Variants in SEC14L2 observed in about 807,000 individuals in gnomAD.
SEC14L2 encodes SEC14 like lipid binding 2.
A neutral mutation model predicts 56.9 loss-of-function variants in SEC14L2; 50 were observed. The observed-to-expected ratio is 0.88, with a 90% CI of 0.70 to 1.11. The LOEUF is 1.11. SEC14L2 is among the 50% of genes most tolerant of loss of function. SEC14L2 has a pLI of 0.00. For synonymous variants in SEC14L2, 179 were observed against 188.5 expected, an observed-to-expected ratio of 0.95 and a Z score of 0.41; for missense variants, 414 against 500.7, an observed-to-expected ratio of 0.83 and a Z score of 1.65.
intron 2 of SEC14L2, among the ~76,000 whole-genome samples, chr22:30,405,283 A>C (rs2146017360): frequency 6.6e-6 from 1 of 152,214 alleles, no homozygotes; most frequent in African/African-American, 2.4e-5. Flanking sequence ...AAAGCACAGA[A>C]TTTTCCAGTC....
At chr22:30,414,949 C>T (rs1239455029) in intron 8 of SEC14L2, among the ~76,000 whole-genome samples, 1 of 152,148 alleles carries the variant, frequency 6.6e-6, no homozygotes, top group Middle Eastern at 3.4e-3. Context: ...ATAGTTCTGC[C>T]CTCACAGTGT....
At chr22:30,409,602 G>C in intron 7 of SEC14L2, 116 bp downstream of exon 7, 1 of 975,426 alleles carries the variant, frequency 1.0e-6, no homozygotes, top group East Asian at 2.4e-5. Context: ...GACATGTTCA[G>C]AAGACTGCTG....
intron 8 of SEC14L2, among the ~76,000 whole-genome samples, chr22:30,412,899 T>A (rs1466227986): frequency 1.3e-5 from 2 of 148,818 alleles, no homozygotes; most frequent in Admixed American, 6.7e-5. Flanking sequence ...CAGAACTCAA[T>A]TGACTAGATG....
chr22:30,416,694 T>C (rs752777391), intron 11 of SEC14L2: 75 of 1,407,672 alleles, frequency 5.3e-5, no homozygotes, highest in Non-Finnish European at 6.6e-5. Flanking sequence ...GGTCCAGGTC[T>C]AACTGGGTCT....
chr22:30,409,918 C>T (rs1490003489), intron 7 of SEC14L2, among the ~76,000 whole-genome samples: 2 of 145,872 alleles, frequency 1.4e-5, no homozygotes, highest in African/African-American at 5.1e-5. Flanking sequence ...AAAAATAGGG[C>T]TAGGTGCAGT....
chr22:30,410,803 ACC>A (rs1934228168), intron 8 of SEC14L2, 124 bp downstream of exon 8: 2 of 826,170 alleles, frequency 2.4e-6, no homozygotes, highest in Non-Finnish European at 4.0e-6. Flanking sequence ...GAGCAGTGGG[ACC>A]CAGGAGCAAG....
chr22:30,416,642 A>G, intron 11 of SEC14L2: 2 of 1,446,924 alleles, frequency 1.4e-6, no homozygotes, highest in South Asian at 2.9e-5. Flanking sequence ...TGGGTGAGTC[A>G]CAGTCCTAGG....
At chr22:30,410,362 C>A (rs1402217567) in intron 7 of SEC14L2, among the ~76,000 whole-genome samples, 1 of 152,240 alleles carries the variant, frequency 6.6e-6, no homozygotes, top group African/African-American at 2.4e-5. Context: ...GCCACCCAGC[C>A]TGATGAGATG....
At chr22:30,406,278 T>TC (rs1409148831) in intron 2 of SEC14L2, 64 bp from the exon 3 acceptor site, 60 of 1,534,562 alleles carry the variant, frequency 3.9e-5, no homozygotes, top group Middle Eastern at 3.4e-4. Context: ...TATGGGAATC[T>TC]CCCCATCCTT....
chr22:30,420,233 G>A (rs1345567003), intron 11 of SEC14L2, among the ~76,000 whole-genome samples: 1 of 152,158 alleles, frequency 6.6e-6, no homozygotes, highest in East Asian at 1.9e-4. Context: ...GATTACAGGC[G>A]TGAGCCACCA....
chr22:30,411,761 A>AAAAAAAAAAAAAAG lies in SEC14L2; in HGVS notation c.664+1082_664+1083insAAAAAAAAAAAAAG, dbSNP rs1555997934. Reference sequence around the variant, plus strand: ...CCGTCTCAAAAAAAAAAAAAAAAAAAGGGGTCCCTTGAAGGTCTTTTGGCC... The same window carrying AAAAAAAAAAAAAAG: ...CCGTCTCAAAAAAAAAAAAAAAAAAAAAAAAAAAAAAAAGGGGGTCCCTTGAAGGTCTTTTGGCC... On this transcript the variant is annotated intron_variant, in intron 8 of 11. Coordinates refer to ENST00000615189, the MANE Select transcript of SEC14L2 (RefSeq NM_012429.5). Among the ~76,000 whole-genome samples the AAAAAAAAAAAAAAG allele has an allele frequency of 8.1e-4, 116 of 142,750 alleles. 3 individuals are homozygous for AAAAAAAAAAAAAAG. The highest frequency in any genetic ancestry group is 2.9e-3 in the African/African-American group (109 of 37,550). The allele number at this position is 142,750 out of a possible 152,430, so 93.6% of individuals were successfully genotyped here.
intron 1 of SEC14L2, chr22:30,398,896 TC>T: frequency 2.3e-6 from 1 of 443,912 alleles, no homozygotes; most frequent in Non-Finnish European, 4.8e-6. Context: ...TTTAATTCCT[TC>T]ATCTGTAGAA....
intron 11 of SEC14L2, chr22:30,420,672 G>A (rs920217196): frequency 6.6e-6 from 1 of 152,134 alleles, no homozygotes; most frequent in African/African-American, 2.4e-5. Flanking sequence ...AGTGGGTGGT[G>A]TGTCTACCCT....
chr22:30,401,984 G>C (rs1933951241), intron 2 of SEC14L2, among the ~76,000 whole-genome samples: 1 of 152,076 alleles, frequency 6.6e-6, no homozygotes, highest in Non-Finnish European at 1.5e-5. Context: ...TTTCTTTCCA[G>C]AAATTTCACA....
intron 8 of SEC14L2, 38 bp from the exon 9 acceptor site, chr22:30,415,721 T>G (rs1389206555): frequency 3.9e-4 from 607 of 1,563,922 alleles, no homozygotes; most frequent in Non-Finnish European, 4.8e-4. Context: ...TACCTAGTGT[T>G]GAGATACATC....
chr22:30,407,606 G>A lies in SEC14L2; in HGVS notation c.423+3G>A. On this transcript the variant is annotated splice_donor_region_variant and intron_variant, in intron 5 of 11. Transcript: ENST00000615189. ...AGTGTGCCCACCAGACCACAAAGGTGAGTGGACCACCATGGCTAGAAATGA... is the reference window on the plus strand; with the variant it reads ...AGTGTGCCCACCAGACCACAAAGGTAAGTGGACCACCATGGCTAGAAATGA... 2 of 1,611,830 alleles carry A rather than the reference G, an allele frequency of 1.2e-6. No individual in the cohort carries two copies. The highest frequency in any genetic ancestry group is 1.7e-6 in the Non-Finnish European group (2 of 1,178,380).
chr22:30,399,753 G>C (rs142517473), intron 2 of SEC14L2, 35 bp downstream of exon 2: 26,124 of 1,590,226 alleles, frequency 0.016, 385 homozygotes, highest in Middle Eastern at 0.044. Flanking sequence ...GCTGGGGCAG[G>C]GGCTTGTTCT....
chr22:30,413,804 T>G (rs1050478137), intron 8 of SEC14L2, among the ~76,000 whole-genome samples: 1 of 150,426 alleles, frequency 6.6e-6, no homozygotes, highest in Admixed American at 6.6e-5. Context: ...CAAGCTCTGT[T>G]TTTTTTTTTT....
At chr22:30,415,339 G>A (rs1036823070) in intron 8 of SEC14L2, among the ~76,000 whole-genome samples, 3 of 152,108 alleles carry the variant, frequency 2.0e-5, no homozygotes, top group African/African-American at 2.4e-5. Flanking sequence ...AGGCTGAGGC[G>A]GAAGAATCAC....
Sources: allele counts gnomAD v4.1 joint callset (sites outside exome capture counted in the v4.1 genomes callset), GRCh38; gene constraint gnomAD v4.1.1; transcripts MANE v1.5; gene names NCBI Gene and HGNC (gene_info 2026-07-23, HGNC 2026-07-21).